Variants in BMPR1B observed in about 807,000 individuals in gnomAD.
BMPR1B encodes the protein bone morphogenetic protein receptor type-1B.
A neutral mutation model predicts 59.1 loss-of-function variants in BMPR1B; 12 were observed. That is an observed-to-expected ratio of 0.20 (90% CI 0.13 to 0.33). BMPR1B has a LOEUF of 0.33. Among genes scored for constraint, BMPR1B ranks in the 10% least tolerant of loss-of-function variants. BMPR1B has a pLI of 1.00. For synonymous variants in BMPR1B, 237 were observed against 207.3 expected, an observed-to-expected ratio of 1.14 and a Z score of -1.23; for missense variants, 550 against 610.9, an observed-to-expected ratio of 0.90 and a Z score of 1.05.
At chr4:95,064,692 G>GA (rs1727668935) in intron 3 of BMPR1B, among the ~76,000 whole-genome samples, 2 of 152,134 alleles carry the variant, frequency 1.3e-5, no homozygotes, top group South Asian at 4.1e-4. Context: ...ATAATAAAAA[G>GA]AAAAATAACC....
intron 1 of BMPR1B, among the ~76,000 whole-genome samples, chr4:94,792,254 A>T (rs974503636): frequency 2.6e-5 from 4 of 152,188 alleles, no homozygotes; most frequent in Admixed American, 1.3e-4. Flanking sequence ...AACATACTTT[A>T]AAAAACTCTT....
intron 2 of BMPR1B, among the ~76,000 whole-genome samples, chr4:94,891,060 T>G (rs1472832713): frequency 6.6e-6 from 1 of 152,136 alleles, no homozygotes; most frequent in Non-Finnish European, 1.5e-5. Context: ...TGTTGCAATT[T>G]TGTTGTCTAT....
chr4:94,795,545 A>G (rs569239295), intron 1 of BMPR1B, among the ~76,000 whole-genome samples: 3 of 152,046 alleles, frequency 2.0e-5, no homozygotes, highest in Admixed American at 6.6e-5. Context: ...GCTCACTGCA[A>G]CCTCTGCCTT....
intron 2 of BMPR1B, among the ~76,000 whole-genome samples, chr4:94,992,242 A>G (rs192520362): frequency 3.3e-5 from 5 of 152,320 alleles, no homozygotes; most frequent in South Asian, 2.1e-4. Flanking sequence ...TGTTAGTCCT[A>G]TCTTTCTGCT....
intron 1 of BMPR1B, among the ~76,000 whole-genome samples, chr4:94,772,988 A>G (rs950078491): frequency 6.6e-6 from 1 of 152,086 alleles, no homozygotes; most frequent in Admixed American, 6.6e-5. Flanking sequence ...ATATAATTCA[A>G]ATCTTCTTTG....
intron 12 of BMPR1B, 77 bp from the exon 13 acceptor site, chr4:95,154,471 C>T: frequency 6.3e-7 from 1 of 1,592,088 alleles, no homozygotes; most frequent in Non-Finnish European, 8.6e-7. Context: ...ACTTAATGAA[C>T]CTAAAACTAA....
chr4:94,947,053 A>T (rs889794390), intron 2 of BMPR1B, among the ~76,000 whole-genome samples: 2 of 152,184 alleles, frequency 1.3e-5, no homozygotes, highest in Non-Finnish European at 1.5e-5. Context: ...CCCCGTCTCA[A>T]AACATACAAA....
At chr4:95,012,343 A>AAGCAGGTTT (rs1370135572) in intron 3 of BMPR1B, among the ~76,000 whole-genome samples, 1 of 152,216 alleles carries the variant, frequency 6.6e-6, no homozygotes, top group Non-Finnish European at 1.5e-5. Flanking sequence ...GGGATCAACT[A>AAGCAGGTTT]AGCAGGTTTC....
At chr4:94,783,047 T>G (rs1467137732) in intron 1 of BMPR1B, among the ~76,000 whole-genome samples, 1 of 152,220 alleles carries the variant, frequency 6.6e-6, no homozygotes, top group African/African-American at 2.4e-5. Context: ...GGTGCAACCT[T>G]GGGCATGTCC....
intron 1 of BMPR1B, among the ~76,000 whole-genome samples, chr4:94,836,827 C>A (rs1294986354): frequency 6.7e-6 from 1 of 149,096 alleles, no homozygotes; most frequent in Non-Finnish European, 1.5e-5. Flanking sequence ...ACATGAAGTC[C>A]TTGCCCATGC....
chr4:95,103,095 A>T (rs185692791), intron 3 of BMPR1B, among the ~76,000 whole-genome samples: 132 of 152,242 alleles, frequency 8.7e-4, no homozygotes, highest in Middle Eastern at 6.8e-3. Flanking sequence ...GAATAATCTA[A>T]TGAAATATTA....
chr4:94,789,646 A>G (rs1194078850), intron 1 of BMPR1B, among the ~76,000 whole-genome samples: 2 of 152,242 alleles, frequency 1.3e-5, no homozygotes, highest in African/African-American at 4.8e-5. Flanking sequence ...ACCATAAAGC[A>G]AGAAATGCCC....
At chr4:94,759,687 C>T (rs1294255241) in intron 1 of BMPR1B, among the ~76,000 whole-genome samples, 1 of 152,120 alleles carries the variant, frequency 6.6e-6, no homozygotes, top group Admixed American at 6.5e-5. Flanking sequence ...GTAAAGGATT[C>T]GTCAGTAATT....
At chr4:94,985,888 A>T (rs1721374855) in intron 2 of BMPR1B, among the ~76,000 whole-genome samples, 1 of 152,204 alleles carries the variant, frequency 6.6e-6, no homozygotes, top group Non-Finnish European at 1.5e-5. Context: ...AGTGCCACAT[A>T]AATGTGAGTC....
chr4:94,910,959 G>C (rs537801144), intron 2 of BMPR1B, among the ~76,000 whole-genome samples: 1 of 152,108 alleles, frequency 6.6e-6, no homozygotes, highest in East Asian at 1.9e-4. Flanking sequence ...AAATCCTTAT[G>C]AATAAAAAAG....
intron 10 of BMPR1B, among the ~76,000 whole-genome samples, chr4:95,143,126 A>C (rs1330609224): frequency 6.6e-6 from 1 of 152,178 alleles, no homozygotes; most frequent in African/African-American, 2.4e-5. Context: ...ACACACAAGC[A>C]GCCCCATGAC....
chr4:95,116,418 C>CGT, intron 6 of BMPR1B, among the ~76,000 whole-genome samples: 3 of 119,284 alleles, frequency 2.5e-5, no homozygotes, highest in African/African-American at 1.0e-4. Flanking sequence ...GCTTTCAGCG[C>CGT]GCGCACACAC....
At chr4:94,924,756 A>G (rs1175335510) in intron 2 of BMPR1B, among the ~76,000 whole-genome samples, 1 of 152,186 alleles carries the variant, frequency 6.6e-6, no homozygotes, top group East Asian at 1.9e-4. Flanking sequence ...AGTGACACAC[A>G]TACCGTATGA....
At chr4:95,033,452 G>T (rs1368342982) in intron 3 of BMPR1B, among the ~76,000 whole-genome samples, 1 of 152,024 alleles carries the variant, frequency 6.6e-6, no homozygotes, top group East Asian at 1.9e-4. Context: ...AATCCACTTT[G>T]AGGTAATTTT....
Sources: allele counts gnomAD v4.1 joint callset (sites outside exome capture counted in the v4.1 genomes callset), GRCh38; gene constraint gnomAD v4.1.1; transcripts MANE v1.5; gene names NCBI Gene and HGNC (gene_info 2026-07-23, HGNC 2026-07-21).